Variants in MEF2C observed in about 807,000 individuals in gnomAD.
The protein encoded by MEF2C is myocyte enhancer factor 2C.
A neutral mutation model predicts 50.5 loss-of-function variants in MEF2C; 6 were observed. The observed-to-expected ratio is 0.12, with a 90% confidence interval of 0.07 to 0.23. The LOEUF (loss-of-function observed/expected upper bound fraction) is 0.23. MEF2C is among the 10% of genes least tolerant of loss of function. The probability of loss-of-function intolerance (pLI) is 1.00; values close to 1 mark genes in which losing one functional copy is unlikely to be tolerated. For missense variants in MEF2C, 276 were observed against 605.0 expected, an observed-to-expected ratio of 0.46 and a Z score of 5.70; for synonymous variants, 183 against 228.0, an observed-to-expected ratio of 0.80 and a Z score of 1.78.
intron 1 of MEF2C, among the ~76,000 whole-genome samples, chr5:88,869,297 A>ATATATATATATATATATATATAT (rs1828684172): frequency 9.7e-6 from 1 of 103,450 alleles, no homozygotes; most frequent in East Asian, 2.6e-4. Context: ...ATATATATAC[A>ATATATATATATATATATATATAT]CATATATATA....
intron 3 of MEF2C, 84 bp from the exon 4 acceptor site, chr5:88,761,412 A>G (rs1777787138): frequency 6.8e-7 from 1 of 1,474,584 alleles, no homozygotes; most frequent in Non-Finnish European, 9.1e-7. Flanking sequence ...CAAGCTGTCC[A>G]GTATTTCAGG....
At chr5:88,759,422 C>T (rs550967754) in intron 4 of MEF2C, among the ~76,000 whole-genome samples, 3 of 152,168 alleles carry the variant, frequency 2.0e-5, no homozygotes, top group South Asian at 2.1e-4. Flanking sequence ...GCAGAGGTTG[C>T]GGTGAGTGGA....
At chr5:88,778,659 A>G (rs953551104) in intron 3 of MEF2C, among the ~76,000 whole-genome samples, 2 of 152,318 alleles carry the variant, frequency 1.3e-5, no homozygotes, top group South Asian at 4.1e-4. Context: ...TTTGTTGAAA[A>G]ACATGCACAT....
At chr5:88,799,371 T>C (rs1030135748) in intron 3 of MEF2C, among the ~76,000 whole-genome samples, 4 of 152,250 alleles carry the variant, frequency 2.6e-5, no homozygotes, top group Non-Finnish European at 4.4e-5. Context: ...AGAGGCAGTC[T>C]GGCTACAGTG....
chr5:88,818,148 C>A (rs1806416004), intron 2 of MEF2C, among the ~76,000 whole-genome samples: 1 of 151,918 alleles, frequency 6.6e-6, no homozygotes, highest in South Asian at 2.1e-4. Flanking sequence ...GATATGCTAA[C>A]TACCCTGATT....
At position 88,822,158 on chromosome 5, in the gene MEF2C, C is replaced by T. The variant is rs1808689052; in HGVS notation, c.54+1577G>A. On this transcript the variant is annotated intron_variant, in intron 2 of 10. Transcript: ENST00000504921. The stretch of plus-strand genomic sequence containing the variant: ...CTGCAAAAATTTTCTTCTAACTTTG[C>T]AAGCAAAAGAAGATATAATGAATAT... Among the ~76,000 whole-genome samples, 6 of 151,962 alleles carry T rather than the reference C, an allele frequency of 3.9e-5. 1 individual carries two copies. Among genetic ancestry groups the T allele is most frequent in the African/African-American group, 1.4e-4 (6 of 41,484 alleles).
intron 1 of MEF2C, among the ~76,000 whole-genome samples, chr5:88,869,260 T>TATATATATATATACAC (rs1828449351): frequency 3.2e-5 from 2 of 62,132 alleles, no homozygotes; most frequent in Admixed American, 4.0e-4. Context: ...TTCATATATA[T>TATATATATATATACAC]ATATATATAT....
chr5:88,730,731 G>T (rs1009028529), intron 7 of MEF2C, among the ~76,000 whole-genome samples: 3 of 152,146 alleles, frequency 2.0e-5, no homozygotes, highest in African/African-American at 7.2e-5. Flanking sequence ...TTTCTGAAGG[G>T]AATGTTGCAT....
chr5:88,798,673 T>C (rs1322676122), intron 3 of MEF2C, among the ~76,000 whole-genome samples: 1 of 152,158 alleles, frequency 6.6e-6, no homozygotes, highest in Non-Finnish European at 1.5e-5. Flanking sequence ...CATCCAGTTA[T>C]GTTCCCTTGC....
intron 1 of MEF2C, among the ~76,000 whole-genome samples, chr5:88,837,318 A>C (rs1317177014): frequency 6.6e-6 from 1 of 152,038 alleles, no homozygotes; most frequent in African/African-American, 2.4e-5. Context: ...TTTCAGTTTT[A>C]TAAAAAAAGT....
intron 1 of MEF2C, among the ~76,000 whole-genome samples, chr5:88,870,538 A>G (rs1312959138): frequency 1.3e-5 from 2 of 152,082 alleles, no homozygotes; most frequent in East Asian, 3.8e-4. Flanking sequence ...CAAATAAAAA[A>G]TGGAGAAAAA....
intron 6 of MEF2C, chr5:88,734,614 A>G (rs1763341379): frequency 1.2e-6 from 1 of 852,522 alleles, no homozygotes; most frequent in Non-Finnish European, 1.4e-6. Context: ...TTTCTACAGT[A>G]AACTCTCTGA....
At chr5:88,899,905 G>T (rs924696914) in intron 1 of MEF2C, among the ~76,000 whole-genome samples, 1 of 152,042 alleles carries the variant, frequency 6.6e-6, no homozygotes, top group African/African-American at 2.4e-5. Context: ...TAAAAATGTT[G>T]ATTATTTTAG....
In MEF2C at chr5:88,719,465, G is replaced by C. The variant is rs1292336235; in HGVS notation, c.*3139C>G. The stretch of plus-strand genomic sequence containing the variant: ...TATTACCAAAAATCTTTTAAAATAG[G>C]ATTAGATATAACAATACTCGCAGCC... On this transcript the variant is annotated 3_prime_UTR_variant, in exon 11 of 11. Transcript: ENST00000504921. The C allele has an allele frequency of 6.6e-6, 1 of 152,180 alleles. No individual in the cohort carries two copies. 9.4% of individuals were successfully genotyped at this position (152,180 alleles called of 1,614,324 possible).
intron 2 of MEF2C, among the ~76,000 whole-genome samples, chr5:88,818,767 A>C (rs902979351): frequency 6.6e-6 from 1 of 151,778 alleles, no homozygotes; most frequent in Non-Finnish European, 1.5e-5. Context: ...TACCTGTTCC[A>C]CTTTTCCATC....
intron 1 of MEF2C, among the ~76,000 whole-genome samples, chr5:88,882,679 C>T (rs1833290202): frequency 6.6e-6 from 1 of 152,182 alleles, no homozygotes; most frequent in Non-Finnish European, 1.5e-5. Context: ...CGTGAACTAA[C>T]TTCATGAAAC....
At chr5:88,773,624 A>G (rs952622375) in intron 3 of MEF2C, among the ~76,000 whole-genome samples, 1 of 152,232 alleles carries the variant, frequency 6.6e-6, no homozygotes, top group African/African-American at 2.4e-5. Flanking sequence ...GAATGTTGCT[A>G]CAAATTGGTT....
At chr5:88,748,463 T>G (rs933587643) in intron 6 of MEF2C, among the ~76,000 whole-genome samples, 2 of 152,198 alleles carry the variant, frequency 1.3e-5, no homozygotes, top group Non-Finnish European at 2.9e-5. Context: ...ATATTACAAA[T>G]TAACACGGAA....
rs3841445 is a variant in MEF2C at position 88,720,787 on chromosome 5, AT to A, written c.*1816del. 76,919 of 152,098 alleles carry A rather than the reference AT, an allele frequency of 0.51. 20,258 individuals are homozygous for A. The highest frequency in any genetic ancestry group is 0.6 in the East Asian group (3,070 of 5,156). The allele number at this position is 152,098 out of a possible 1,614,324, so 9.4% of individuals were successfully genotyped here. On this transcript the variant is annotated 3_prime_UTR_variant, in exon 11 of 11. Coordinates refer to ENST00000504921, the MANE Select transcript of MEF2C (RefSeq NM_002397.5). ...TATAGACGAATATTAGACAAGAGTC[AT>A]TTTTTTTAAATTAAAAAAAGGGACA...
Sources: gnomAD v4.1 joint callset for allele counts (sites outside exome capture counted in the v4.1 genomes callset) on GRCh38, gnomAD v4.1.1 for gene constraint, MANE v1.5 for transcripts, NCBI Gene and HGNC (gene_info 2026-07-23, HGNC 2026-07-21) for gene names.